ANKFN1: variants seen among roughly 807,000 people sequenced by gnomAD.
ANKFN1 encodes ankyrin repeat and fibronectin type III domain containing 1, also known as ankyrin repeat and fibronectin type-III domain-containing protein 1.
ANKFN1 carries 74 observed loss-of-function variants against 108.7 expected under a neutral mutation model. The observed-to-expected ratio is 0.68, with a 90% CI of 0.56 to 0.83. The LOEUF (loss-of-function observed/expected upper bound fraction) is 0.83. Among genes scored for constraint, ANKFN1 ranks in the 40% least tolerant of loss-of-function variants. ANKFN1 has a pLI of 0.00. For synonymous variants in ANKFN1, 547 were observed against 516.2 expected, an observed-to-expected ratio of 1.06 and a Z score of -0.81; for missense variants, 1,505 against 1,382.3, an observed-to-expected ratio of 1.09 and a Z score of -1.41.
At chr17:56,399,845 A>ATGGCTGAGTAGTATTCCATTTTT (rs2144924043) in intron 8 of ANKFN1, among the ~76,000 whole-genome samples, 1 of 9,732 alleles carries the variant, frequency 1.0e-4, no homozygotes, top group African/African-American at 9.9e-4. Context: ...TCCATTTTTT[A>ATGGCTGAGTAGTATTCCATTTTT]TATATATATA....
At chr17:56,338,577 G>T (rs2045879095) in intron 4 of ANKFN1, among the ~76,000 whole-genome samples, 1 of 151,806 alleles carries the variant, frequency 6.6e-6, no homozygotes, top group African/African-American at 2.4e-5. Flanking sequence ...CAGTTTCCTT[G>T]TCCAGTCTTT....
chr17:56,106,855 T>G (rs1430519068), intron 4 of ANKFN1, among the ~76,000 whole-genome samples: 2 of 152,180 alleles, frequency 1.3e-5, no homozygotes, highest in Admixed American at 1.3e-4. Flanking sequence ...TAACAATGAT[T>G]GTTATTGGGA....
chr17:56,123,492 G>A (rs985548192), intron 4 of ANKFN1, among the ~76,000 whole-genome samples: 1 of 152,184 alleles, frequency 6.6e-6, no homozygotes, highest in Non-Finnish European at 1.5e-5. Context: ...CAGGTTTAGA[G>A]TTCAGCCTCT....
intron 1 of ANKFN1, among the ~76,000 whole-genome samples, chr17:56,173,726 C>T (rs766160525): frequency 1.1e-4 from 16 of 152,262 alleles, no homozygotes; most frequent in Admixed American, 5.2e-4. Flanking sequence ...CCTACCAAAA[C>T]GCTGGGATTC....
chr17:56,070,710 T>C (rs1443802732), intron 4 of ANKFN1, among the ~76,000 whole-genome samples: 3 of 151,150 alleles, frequency 2.0e-5, no homozygotes, highest in Non-Finnish European at 4.4e-5. Context: ...TCTTGTTCTG[T>C]TGATAATGTC....
At chr17:56,093,752 G>A (rs551277028) in intron 4 of ANKFN1, among the ~76,000 whole-genome samples, 3 of 151,330 alleles carry the variant, frequency 2.0e-5, no homozygotes, top group Admixed American at 2.0e-4. Context: ...TAGGTAATGT[G>A]CATAAAACTA....
chr17:56,476,388 G>A (rs1353809401), intron 15 of ANKFN1, among the ~76,000 whole-genome samples: 2 of 152,148 alleles, frequency 1.3e-5, no homozygotes, highest in African/African-American at 4.8e-5. Flanking sequence ...CTGGAGAACT[G>A]ACCACACAAA....
intron 3 of ANKFN1, among the ~76,000 whole-genome samples, chr17:56,253,621 C>T (rs1001931976): frequency 7.2e-5 from 11 of 152,274 alleles, no homozygotes; most frequent in Middle Eastern, 3.4e-3. Context: ...ACCTATATCC[C>T]GGCTATTTAG....
intron 15 of ANKFN1, among the ~76,000 whole-genome samples, chr17:56,476,510 A>T (rs2050504196): frequency 6.6e-6 from 1 of 152,222 alleles, no homozygotes; most frequent in South Asian, 2.1e-4. Flanking sequence ...GTGACAATAT[A>T]ATGCAAATTC....
At chr17:56,056,768 G>T (rs1048273289) in intron 4 of ANKFN1, among the ~76,000 whole-genome samples, 1 of 152,214 alleles carries the variant, frequency 6.6e-6, no homozygotes, top group Non-Finnish European at 1.5e-5. Flanking sequence ...CCTAGGCAAA[G>T]AATTTATGAT....
At chr17:56,507,766 G>A (rs934468360) in intron 20 of ANKFN1, among the ~76,000 whole-genome samples, 4 of 152,152 alleles carry the variant, frequency 2.6e-5, no homozygotes, top group African/African-American at 4.8e-5. Context: ...TGGAACACTT[G>A]TCCCTAAAAC....
chr17:56,358,395 C>A (rs2046427672), intron 6 of ANKFN1, among the ~76,000 whole-genome samples: 1 of 152,122 alleles, frequency 6.6e-6, no homozygotes, highest in African/African-American at 2.4e-5. Context: ...ATGCCAGAGC[C>A]ACATGGATGT....
intron 8 of ANKFN1, among the ~76,000 whole-genome samples, chr17:56,389,195 A>C (rs2047361157): frequency 2.0e-5 from 3 of 152,200 alleles, no homozygotes; most frequent in Admixed American, 2.0e-4. Context: ...AAATTGTGGT[A>C]TATCCATACC....
intron 6 of ANKFN1, among the ~76,000 whole-genome samples, chr17:56,358,273 C>A (rs1213614912): frequency 6.6e-6 from 1 of 152,198 alleles, no homozygotes; most frequent in African/African-American, 2.4e-5. Context: ...AGAAGAACAT[C>A]CTCTGTAGTT....
intron 1 of ANKFN1, among the ~76,000 whole-genome samples, chr17:56,172,890 T>C (rs925540252): frequency 6.6e-6 from 1 of 152,178 alleles, no homozygotes; most frequent in Non-Finnish European, 1.5e-5. Flanking sequence ...GATCCCTCCC[T>C]GGAGCACTTG....
At chr17:56,392,689 T>C (rs560676822) in intron 8 of ANKFN1, among the ~76,000 whole-genome samples, 1 of 152,068 alleles carries the variant, frequency 6.6e-6, no homozygotes, top group Non-Finnish European at 1.5e-5. Flanking sequence ...CAAAAATAAA[T>C]AAACAACTGT....
chr17:56,355,170 G>A (rs1049732920), intron 6 of ANKFN1, among the ~76,000 whole-genome samples: 4 of 152,084 alleles, frequency 2.6e-5, no homozygotes, highest in Non-Finnish European at 5.9e-5. Context: ...CTAATTTAAT[G>A]ATTATACAAC....
chr17:56,400,757 T>A (rs926401199), intron 8 of ANKFN1, among the ~76,000 whole-genome samples: 1 of 152,114 alleles, frequency 6.6e-6, no homozygotes, highest in East Asian at 1.9e-4. Context: ...TTGAGTTGAT[T>A]TTTTTTATAA....
intron 10 of ANKFN1, among the ~76,000 whole-genome samples, chr17:56,447,351 T>C (rs2049333505): frequency 6.6e-6 from 1 of 152,204 alleles, no homozygotes; most frequent in African/African-American, 2.4e-5. Flanking sequence ...GCCAATTCCC[T>C]GTCTCCAGCA....
Sources: gnomAD v4.1 joint callset for allele counts (sites outside exome capture counted in the v4.1 genomes callset) on GRCh38, gnomAD v4.1.1 for gene constraint, MANE v1.5 for transcripts, NCBI Gene and HGNC (gene_info 2026-07-23, HGNC 2026-07-21) for gene names.